The following ELF2 variants were observed in gnomAD, a reference collection of about 807,000 sequenced individuals.
The protein encoded by ELF2 is E74 like ETS transcription factor 2.
Under a neutral mutation model 54.8 loss-of-function variants are expected in ELF2, and 11 were observed. The ratio of observed to expected loss-of-function variants is 0.20; its 90% CI spans 0.13 to 0.33. The LOEUF (loss-of-function observed/expected upper bound fraction) is 0.33. Among genes scored for constraint, ELF2 ranks in the 10% least tolerant of loss-of-function variants. The pLI is 1.00. For missense variants in ELF2, 513 were observed against 703.0 expected (o/e 0.73, Z 3.06); for synonymous variants, 203 against 245.1 (o/e 0.83, Z 1.61).
chr4:139,155,638 C>T (rs1740447182), intron 1 of ELF2, among the ~76,000 whole-genome samples: 1 of 152,112 alleles, frequency 6.6e-6, no homozygotes, highest in East Asian at 1.9e-4. Flanking sequence ...AATCTAATTA[C>T]AACTCATGAA....
intron 4 of ELF2, among the ~76,000 whole-genome samples, chr4:139,098,049 C>A (rs534609057): frequency 1.3e-5 from 2 of 152,278 alleles, no homozygotes; most frequent in Admixed American, 1.3e-4. Flanking sequence ...TGTTAACATT[C>A]CTCTATGGAA....
chr4:139,063,648 G>A (rs971745810), intron 7 of ELF2, among the ~76,000 whole-genome samples: 1 of 152,126 alleles, frequency 6.6e-6, no homozygotes, highest in Admixed American at 6.6e-5. Context: ...TAGATGACAA[G>A]TTAAACAACA....
rs188122355 is a variant in ELF2 at position 139,092,778 on chromosome 4, G to A, written c.239-19211C>T. Among the ~76,000 whole-genome samples, 61 of 151,912 alleles carry A rather than the reference G, an allele frequency of 4.0e-4. No individual in the cohort carries two copies. The East Asian group carries it at 0.012, about 30-fold the overall frequency. On this transcript the variant is annotated intron_variant, in intron 4 of 9. Coordinates refer to ENST00000686138, the MANE Select transcript of ELF2 (RefSeq NM_001331036.3). ...ATCACGCCACTGCACTACAGCCTGG[G>A]CGACAGAGAGACTCCGTCTCAAAAA...
chr4:139,068,775 GA>G (rs1251289187), intron 6 of ELF2, among the ~76,000 whole-genome samples: 5 of 152,096 alleles, frequency 3.3e-5, no homozygotes, highest in African/African-American at 1.2e-4. Flanking sequence ...GAGCACAAAT[GA>G]ACACTGGCAG....
At chr4:139,109,088 C>T (rs946776606) in intron 4 of ELF2, among the ~76,000 whole-genome samples, 1 of 152,122 alleles carries the variant, frequency 6.6e-6, no homozygotes. Context: ...AGTAAACAAG[C>T]ATCATTGCCA....
At chr4:139,107,502 C>T (rs575497925) in intron 4 of ELF2, among the ~76,000 whole-genome samples, 4 of 152,056 alleles carry the variant, frequency 2.6e-5, no homozygotes, top group Non-Finnish European at 5.9e-5. Flanking sequence ...AAAATATGTA[C>T]GATTATAAAC....
Position 139,059,096 on chromosome 4 carries a change from T to C in ELF2, c.1669A>G (p.Lys557Glu). 6.2e-7 allele frequency: 1 copy of C among 1,614,000 alleles called. No individual in the cohort carries two copies. Among genetic ancestry groups the C allele is most frequent in the Non-Finnish European group, 8.5e-7 (1 of 1,179,872 alleles). Residue 557 changes from lysine to glutamate, a missense_variant, in exon 10 of 10, where the codon AAA (lysine) becomes GAA (glutamate). Lys to Glu is a moderately conservative substitution (Grantham distance 56). Around this residue, in one of 3 missense-constraint regions of ELF2, gnomAD observed 291 missense variants for 366.1 expected, o/e 0.79. Transcript: ENST00000686138. ...DVKTLQLVEE[K>E]PADGNKTVTH... The stretch of plus-strand genomic sequence containing the variant: ...ACTGTCTTATTTCCATCTGCTGGTT[T>C]TTCTTCTACTAGCTGCAAAGTTTTC...
intron 7 of ELF2, among the ~76,000 whole-genome samples, chr4:139,064,810 G>A (rs1238459409): frequency 6.6e-6 from 1 of 152,050 alleles, no homozygotes; most frequent in African/African-American, 2.4e-5. Context: ...AACCCGGGAG[G>A]CAGAGGTTGC....
chr4:139,108,104 T>C (rs1734601384), intron 4 of ELF2, among the ~76,000 whole-genome samples: 1 of 152,206 alleles, frequency 6.6e-6, no homozygotes, highest in African/African-American at 2.4e-5. Flanking sequence ...TTGTCGATGA[T>C]AGGCTGTCAT....
intron 1 of ELF2, among the ~76,000 whole-genome samples, chr4:139,153,441 T>A (rs1578942910): frequency 6.7e-6 from 1 of 148,888 alleles, no homozygotes; most frequent in Non-Finnish European, 1.5e-5. Flanking sequence ...TCTCAAAAAA[T>A]AAAAATAAAT....
intron 4 of ELF2, among the ~76,000 whole-genome samples, chr4:139,107,627 G>A (rs912695273): frequency 6.6e-6 from 1 of 151,910 alleles, no homozygotes; most frequent in Non-Finnish European, 1.5e-5. Context: ...ATGCAATCAG[G>A]GAATTTTCAC....
intron 1 of ELF2, among the ~76,000 whole-genome samples, chr4:139,164,139 AAGAG>A (rs147578091): frequency 2.7e-5 from 4 of 148,268 alleles, no homozygotes; most frequent in Admixed American, 6.7e-5. Context: ...AAAGAGAAAG[AAGAG>A]AGAGAAAGAA....
chr4:139,083,008 C>T (rs1731350600), intron 4 of ELF2, among the ~76,000 whole-genome samples: 1 of 152,324 alleles, frequency 6.6e-6, no homozygotes, highest in African/African-American at 2.4e-5. Flanking sequence ...TCCATGCGTA[C>T]ATTGTCAGCT....
At chr4:139,129,151 T>C (rs1737242417) in intron 3 of ELF2, among the ~76,000 whole-genome samples, 1 of 152,092 alleles carries the variant, frequency 6.6e-6, no homozygotes, top group Admixed American at 6.5e-5. Flanking sequence ...GTGGTCAGGC[T>C]AGTCTCAAAC....
chr4:139,058,068 T>C lies in ELF2; in HGVS notation c.*915A>G, dbSNP rs1327246494. ...ATTAGAGCTACCTGCCAAAAATTCATGCTGAGCCTGAACTTCCAAGTGACA... is the reference window on the plus strand; with the variant it reads ...ATTAGAGCTACCTGCCAAAAATTCACGCTGAGCCTGAACTTCCAAGTGACA... On this transcript the variant is annotated 3_prime_UTR_variant, in exon 10 of 10. Transcript: ENST00000686138. 1.3e-5 allele frequency: 2 copies of C among 152,252 alleles called. No individual in the cohort carries two copies. Among genetic ancestry groups the C allele is most frequent in the Non-Finnish European group, 2.9e-5 (2 of 67,986 alleles). 9.4% of individuals were successfully genotyped at this position (152,252 alleles called of 1,614,324 possible).
intron 1 of ELF2, among the ~76,000 whole-genome samples, chr4:139,157,854 C>T (rs1455022382): frequency 2.0e-5 from 3 of 152,162 alleles, no homozygotes; most frequent in Admixed American, 1.3e-4. Flanking sequence ...AATTGAACAG[C>T]AAAGTATCAT....
In ELF2 at chr4:139,059,455, G is replaced by A. The variant is rs1220343048; in HGVS notation, c.1310C>T (p.Thr437Ile). 6.2e-7 allele frequency: 1 copy of A among 1,613,960 alleles called. No homozygotes were observed. The highest frequency in any genetic ancestry group is 2.2e-5 in the East Asian group (1 of 44,892). The change falls in exon 10 of 10, where the codon ACA becomes ATA. Residue 437 changes from threonine (T) to isoleucine (I), a missense_variant. Around this residue, in one of 3 missense-constraint regions of ELF2, gnomAD observed 291 missense variants for 366.1 expected, o/e 0.79. Transcript: ENST00000686138. ...TATSPKVVIQTIPTVMPASTE... is the reference protein window; with the variant it reads ...TATSPKVVIQIIPTVMPASTE... ...AGAAGCTGGCATCACAGTAGGGATT[G>A]TCTGAATGACTACCTTTGGAGAGGT...
intron 1 of ELF2, among the ~76,000 whole-genome samples, chr4:139,153,540 C>G (rs1327910009): frequency 6.6e-6 from 1 of 152,128 alleles, no homozygotes; most frequent in Non-Finnish European, 1.5e-5. Context: ...AACTGAGTCA[C>G]GCAAAACTGC....
At chr4:139,122,941 T>A (rs968392151) in intron 4 of ELF2, among the ~76,000 whole-genome samples, 1 of 151,392 alleles carries the variant, frequency 6.6e-6, no homozygotes, top group Non-Finnish European at 1.5e-5. Flanking sequence ...TCCCAGCACT[T>A]TGGGAGGCCG....
Sources: allele counts gnomAD v4.1 joint callset (sites outside exome capture counted in the v4.1 genomes callset), GRCh38; gene constraint gnomAD v4.1.1; regional missense constraint gnomAD v4.1.1; transcripts MANE v1.5; gene names NCBI Gene and HGNC (gene_info 2026-07-23, HGNC 2026-07-21).